Variants in ATXN1 observed in about 807,000 individuals in gnomAD.
The protein encoded by ATXN1 is ataxin 1.
Under a neutral mutation model 56.4 loss-of-function variants are expected in ATXN1, and 8 were observed. The ratio of observed to expected loss-of-function variants is 0.14; its 90% CI spans 0.08 to 0.26. The LOEUF is 0.26. Ranked by LOEUF, ATXN1 falls within the 10% of genes least tolerant of loss-of-function variation. The pLI, the probability that ATXN1 is intolerant of heterozygous loss-of-function variation, is 1.00. For missense variants in ATXN1, 987 were observed against 1,106.5 expected (o/e 0.89, Z 1.53); for synonymous variants, 514 against 494.6 (o/e 1.04, Z -0.52).
intron 2 of ATXN1, among the ~76,000 whole-genome samples, chr6:16,698,412 C>T (rs899390139): frequency 6.6e-6 from 1 of 152,136 alleles, no homozygotes; most frequent in Non-Finnish European, 1.5e-5. Context: ...CTTAATACAA[C>T]ACTGCACTTT....
In ATXN1 at chr6:16,326,709, G is replaced by A. The variant is rs1011663802; in HGVS notation, c.1602C>T (p.Asn534=). 3 of 1,613,534 alleles carry A rather than the reference G, an allele frequency of 1.9e-6. No individual in the cohort carries two copies. Among genetic ancestry groups the A allele is most frequent in the Non-Finnish European group, 2.5e-6 (3 of 1,180,012 alleles). ...CGGCCTGGGTGACCAGGGCCTCAGG[G>A]TTGAAGTTCTCGCTCTTGGGAAGGG... ...TTALPKSENF[N]PEALVTQAAY... is the part of the protein sequence containing the mutation. Residue 534 remains asparagine, a synonymous_variant, in exon 7 of 8, where the codon AAC becomes AAT. Transcript: ENST00000436367. This position sits in a 1 kb window ranked among gnomAD's most constrained non-coding sequence, Gnocchi z 6.6.
intron 6 of ATXN1, among the ~76,000 whole-genome samples, chr6:16,330,807 T>C (rs1264685114): frequency 1.3e-5 from 2 of 152,140 alleles, no homozygotes; most frequent in Non-Finnish European, 2.9e-5. Flanking sequence ...ATCAGATATC[T>C]AGGAAGGTGC....
chr6:16,746,693 T>C (rs1194681053), intron 2 of ATXN1, among the ~76,000 whole-genome samples: 1 of 152,200 alleles, frequency 6.6e-6, no homozygotes, highest in Non-Finnish European at 1.5e-5. Context: ...GATGGGGTGA[T>C]AAATGAATTT....
intron 2 of ATXN1, among the ~76,000 whole-genome samples, chr6:16,720,154 C>T (rs910525652): frequency 1.5e-4 from 23 of 152,138 alleles, no homozygotes; most frequent in Non-Finnish European, 3.1e-4. Flanking sequence ...TCATCTCACC[C>T]TTCACCACTC....
At chr6:16,596,930 C>T (rs1240411798) in intron 3 of ATXN1, among the ~76,000 whole-genome samples, 1 of 152,204 alleles carries the variant, frequency 6.6e-6, no homozygotes, top group Non-Finnish European at 1.5e-5. Context: ...TTCATCTCAG[C>T]GACTCTCTCT....
intron 5 of ATXN1, among the ~76,000 whole-genome samples, chr6:16,510,554 A>G (rs1761065896): frequency 6.6e-6 from 1 of 152,056 alleles, no homozygotes; most frequent in Admixed American, 6.6e-5. Flanking sequence ...AGAGGAGCAC[A>G]GTGAAACCCC....
chr6:16,321,773 C>T (rs1046987665), intron 7 of ATXN1, among the ~76,000 whole-genome samples: 1 of 152,174 alleles, frequency 6.6e-6, no homozygotes, highest in African/African-American at 2.4e-5. Context: ...GTCTGTGTGC[C>T]GCTTAGCATG....
At chr6:16,455,673 C>G (rs888842247) in intron 6 of ATXN1, among the ~76,000 whole-genome samples, 6 of 152,144 alleles carry the variant, frequency 3.9e-5, no homozygotes. Context: ...TGTGGTACAT[C>G]CATACAATAG....
intron 4 of ATXN1, among the ~76,000 whole-genome samples, chr6:16,540,013 C>T (rs1359053944): frequency 6.6e-6 from 1 of 152,134 alleles, no homozygotes; most frequent in African/African-American, 2.4e-5. Flanking sequence ...GAGTACTGTT[C>T]GGAACTCTTT....
chr6:16,359,416 CAG>C (rs929227678), intron 6 of ATXN1, among the ~76,000 whole-genome samples: 3 of 152,092 alleles, frequency 2.0e-5, no homozygotes. Context: ...ACAAAGGGGG[CAG>C]AGAGAGAATG....
chr6:16,688,127 T>A (rs1200615249), intron 2 of ATXN1, among the ~76,000 whole-genome samples: 1 of 152,132 alleles, frequency 6.6e-6, no homozygotes, highest in Admixed American at 6.5e-5. Context: ...TTGTGTATAT[T>A]GTATCACAGT....
chr6:16,436,406 A>G (rs1402805408), intron 6 of ATXN1, among the ~76,000 whole-genome samples: 1 of 152,234 alleles, frequency 6.6e-6, no homozygotes, highest in African/African-American at 2.4e-5. Context: ...AAAGATTTAT[A>G]ATGAAGTATT....
At chr6:16,461,579 T>C (rs1470183024) in intron 6 of ATXN1, among the ~76,000 whole-genome samples, 4 of 152,244 alleles carry the variant, frequency 2.6e-5, no homozygotes, top group Non-Finnish European at 5.9e-5. Context: ...GGGATTTCAA[T>C]ACTTGTTGGT....
rs1561841476 is a variant in ATXN1 at position 16,301,914 on chromosome 6, TG to T, written c.*4414del. 6.5e-6 allele frequency: 1 copy of T among 152,738 alleles called. No homozygotes were observed. The highest frequency in any genetic ancestry group is 2.4e-5 in the African/African-American group (1 of 41,452). The allele number at this position is 152,738 out of a possible 1,614,324, so 9.5% of individuals were successfully genotyped here. A position where few individuals can be genotyped will look rare whatever the true frequency, so the allele number is the denominator to read the frequency against. On this transcript the variant is annotated 3_prime_UTR_variant, in exon 8 of 8. Transcript: ENST00000436367. The stretch of plus-strand genomic sequence containing the variant: ...AATAGGTTTCCTTAGTAGTCACAGA[TG>T]TTAAAGGGTATTGTCAATCGTTTCC...
intron 4 of ATXN1, among the ~76,000 whole-genome samples, chr6:16,577,105 C>T (rs143624504): frequency 6.6e-6 from 1 of 152,334 alleles, no homozygotes; most frequent in Non-Finnish European, 1.5e-5. Flanking sequence ...CCCCAGACCA[C>T]AGACACACCC....
At chr6:16,725,452 G>C (rs1056495654) in intron 2 of ATXN1, among the ~76,000 whole-genome samples, 1 of 152,116 alleles carries the variant, frequency 6.6e-6, no homozygotes, top group Non-Finnish European at 1.5e-5. Flanking sequence ...AAAGACATGG[G>C]GGATTAAGAA....
At chr6:16,492,507 A>C (rs1042485859) in intron 5 of ATXN1, among the ~76,000 whole-genome samples, 2 of 152,068 alleles carry the variant, frequency 1.3e-5, no homozygotes, top group African/African-American at 4.8e-5. Context: ...CTATATTTGT[A>C]GTTTGTCATA....
At chr6:16,617,058 G>A (rs1561780647) in intron 3 of ATXN1, among the ~76,000 whole-genome samples, 1 of 152,070 alleles carries the variant, frequency 6.6e-6, no homozygotes, top group African/African-American at 2.4e-5. Flanking sequence ...TATAGGGTTT[G>A]GTACTAACTG....
chr6:16,691,153 T>C (rs1011857441), intron 2 of ATXN1, among the ~76,000 whole-genome samples: 9 of 152,222 alleles, frequency 5.9e-5, no homozygotes, highest in Non-Finnish European at 1.2e-4. Flanking sequence ...TCATTGTAAG[T>C]GTCGCAGAAA....
Sources: gnomAD v4.1 joint callset for allele counts (sites outside exome capture counted in the v4.1 genomes callset) on GRCh38, gnomAD v4.1.1 for gene constraint, Gnocchi (gnomAD v3.1) non-coding constraint, MANE v1.5 for transcripts, NCBI Gene and HGNC (gene_info 2026-07-23, HGNC 2026-07-21) for gene names.